Variants in NKX3-2 observed in about 807,000 individuals in gnomAD.
NKX3-2 encodes the protein homeobox protein Nkx-3.2.
NKX3-2 carries 13 observed loss-of-function variants against 19.4 expected under a neutral mutation model. The ratio of observed to expected loss-of-function variants is 0.67; its 90% CI spans 0.44 to 1.07. The LOEUF (loss-of-function observed/expected upper bound fraction) is 1.07. Ranked by LOEUF, NKX3-2 falls within the 50% of genes least tolerant of loss-of-function variation. The probability of loss-of-function intolerance (pLI) is 0.00; values close to 1 mark genes in which losing one functional copy is unlikely to be tolerated. For missense variants in NKX3-2, 562 were observed against 488.2 expected (o/e 1.15, Z -1.42); for synonymous variants, 269 against 230.5 (o/e 1.17, Z -1.51).
In NKX3-2 at chr4:13,541,990, G is replaced by C. The variant is rs1717996157; in HGVS notation, c.*3C>G. On this transcript the variant is annotated 3_prime_UTR_variant, in exon 2 of 2. Coordinates refer to ENST00000382438, the MANE Select transcript of NKX3-2 (RefSeq NM_001189.4). The stretch of plus-strand genomic sequence containing the variant: ...ATCACTCGCTGCCTCAGCCCAAGCG[G>C]GTTCACTGGGTGCCTGCGGCAGCTG... 1 of 1,578,562 alleles carries C rather than the reference G, an allele frequency of 6.3e-7. No homozygotes were observed. The highest frequency in any genetic ancestry group is 1.8e-5 in the Admixed American group (1 of 54,884).
Position 13,542,127 on chromosome 4 carries a change from G to T in NKX3-2, c.868C>A (p.Gln290Lys). ...ACTTCGCCGGGCAGGTATTGTCTCT[G>T]GTCGTCGCGCACCAGCACCTTTACG... Reference protein sequence around the residue: ...VAVKVLVRDDQRQYLPGEVLR... With the variant: ...VAVKVLVRDDKRQYLPGEVLR... The change falls in exon 2 of 2, where the codon CAG becomes AAG. Residue 290 changes from glutamine to lysine, a missense_variant. Gln to Lys is a moderately conservative substitution (Grantham distance 53). Coordinates refer to ENST00000382438, the MANE Select transcript of NKX3-2 (RefSeq NM_001189.4). The surrounding 1 kb of genome is among the most constrained non-coding windows in gnomAD (Gnocchi z 6.4). 1 of 1,611,498 alleles carries T rather than the reference G, an allele frequency of 6.2e-7. No individual in the cohort carries two copies. Among genetic ancestry groups the T allele is most frequent in the Non-Finnish European group, 8.5e-7 (1 of 1,178,446 alleles).
upstream of NKX3-2, among the ~76,000 whole-genome samples, chr4:13,545,498 C>A (rs954711182): frequency 1.3e-5 from 2 of 152,154 alleles, no homozygotes; most frequent in African/African-American, 4.8e-5. Context: ...ATTGCTAATG[C>A]TCTTTGCTGA....
At chr4:13,546,744 G>A, upstream of NKX3-2, 1 of 366,894 alleles carries the variant, frequency 2.7e-6, no homozygotes, top group South Asian at 2.0e-5. Context: ...GCTACGTAAA[G>A]ACTTGCTTGA....
upstream of NKX3-2, chr4:13,547,247 C>A: frequency 2.2e-6 from 1 of 456,318 alleles, no homozygotes; most frequent in Non-Finnish European, 4.4e-6. Flanking sequence ...CGCAGCAGGC[C>A]TGCGCCTGTC....
Position 13,544,218 on chromosome 4 carries a change from G to C in NKX3-2, c.197C>G (p.Ala66Gly). The C allele has an allele frequency of 6.3e-7, 1 of 1,594,724 alleles. No individual in the cohort carries two copies. The highest frequency in any genetic ancestry group is 8.5e-7 in the Non-Finnish European group (1 of 1,177,258). The change falls in exon 1 of 2, where the codon GCC (alanine) becomes GGC (glycine). Residue 66 changes from alanine (A) to glycine (G), a missense_variant. Coordinates refer to ENST00000382438, the MANE Select transcript of NKX3-2 (RefSeq NM_001189.4). ...AGGAGACGCCAGCAGAGAGTCCTCG[G>C]CGCCCCCCAACGCGCCCGCGTCCCT... ...GERDAGALGG[A>G]EDSLLASPAG...
upstream of NKX3-2, chr4:13,545,189 C>G (rs1418730543): frequency 5.3e-5 from 8 of 152,268 alleles, no homozygotes; most frequent in Admixed American, 2.0e-4. Context: ...GGGCACGTTG[C>G]GCCGCTAAAG....
upstream of NKX3-2, among the ~76,000 whole-genome samples, chr4:13,545,851 TC>T (rs1718121920): frequency 6.6e-6 from 1 of 152,230 alleles, no homozygotes; most frequent in East Asian, 1.9e-4. Flanking sequence ...CATAAAGTGA[TC>T]CAGAAGTGAC....
rs1016215559 is a variant in NKX3-2 at position 13,542,591 on chromosome 4, G to T, written c.467-63C>A. 6.3e-7 allele frequency: 1 copy of T among 1,579,046 alleles called. No individual in the cohort carries two copies. The highest frequency in any genetic ancestry group is 1.3e-5 in the African/African-American group (1 of 74,538). ...AGCGCCACAGACGAGGTGAGGCCGG[G>T]CCTCAACTGCAGGGGTCACGGGAGT... On this transcript the variant is annotated intron_variant, in intron 1 of 1. Coordinates refer to ENST00000382438, the MANE Select transcript of NKX3-2 (RefSeq NM_001189.4). This position sits in a 1 kb window ranked among gnomAD's most constrained non-coding sequence, Gnocchi z 6.4.
chr4:13,545,016 C>G (rs1718094381), upstream of NKX3-2: 1 of 152,210 alleles, frequency 6.6e-6, no homozygotes, highest in Non-Finnish European at 1.5e-5. Flanking sequence ...TTTCTCTTTC[C>G]TTCCCTTGCG....
Position 13,542,430 on chromosome 4 carries a change from G to A in NKX3-2, c.565C>T (p.Pro189Ser). The A allele has an allele frequency of 1.3e-6, 2 of 1,548,824 alleles. No individual in the cohort carries two copies. The highest frequency in any genetic ancestry group is 1.7e-6 in the Non-Finnish European group (2 of 1,154,376). The change falls in exon 2 of 2, where the codon CCG becomes TCG. Residue 189 changes from proline to serine, a missense_variant. Coordinates refer to ENST00000382438, the MANE Select transcript of NKX3-2 (RefSeq NM_001189.4). This position sits in a 1 kb window ranked among gnomAD's most constrained non-coding sequence, Gnocchi z 6.4. ...TCCTCCTCCTCCGCGACGCCTGCCG[G>A]CCCGCTGCCGCCCCCGCCGCCGGCC... The part of the protein sequence containing the change: ...SGAGGGGGSG[P>S]AGVAEEEEEP...
chr4:13,542,298 C>G lies in NKX3-2; in HGVS notation c.697G>C (p.Gly233Arg), dbSNP rs776987125. 3.7e-6 allele frequency: 6 copies of G among 1,606,744 alleles called. No individual in the cohort carries two copies. Among genetic ancestry groups the G allele is most frequent in the South Asian group, 2.2e-5 (2 of 90,194 alleles). The change falls in exon 2 of 2, where the codon GGG becomes CGG. Residue 233 changes from glycine to arginine, a missense_variant. Coordinates refer to ENST00000382438, the MANE Select transcript of NKX3-2 (RefSeq NM_001189.4). The surrounding 1 kb of genome is among the most constrained non-coding windows in gnomAD (Gnocchi z 6.4). Reference protein sequence around the residue: ...RRFNHQRYLSGPERADLAASL... With the variant: ...RRFNHQRYLSRPERADLAASL... Reference sequence around the variant, plus strand: ...GCGGCCAGGTCTGCGCGCTCGGGCCCGGACAGGTAGCGCTGGTGGTTAAAG... The same window carrying G: ...GCGGCCAGGTCTGCGCGCTCGGGCCGGGACAGGTAGCGCTGGTGGTTAAAG...
upstream of NKX3-2, chr4:13,547,187 C>G: frequency 2.2e-6 from 1 of 456,350 alleles, no homozygotes; most frequent in South Asian, 1.5e-5. Flanking sequence ...CCAGAGATAT[C>G]CCGGCGTAAC....
upstream of NKX3-2, among the ~76,000 whole-genome samples, chr4:13,545,480 GCTT>G (rs1718113407): frequency 1.3e-5 from 2 of 152,114 alleles, no homozygotes; most frequent in East Asian, 3.9e-4. Flanking sequence ...CAGTTTCGCC[GCTT>G]CTTCATTGCT....
In NKX3-2 at chr4:13,543,147, T is replaced by A. The variant is rs1291063099; in HGVS notation, c.467-619A>T. ...GTAAAGAGGGAGGGTTGCCCCTGCA[T>A]CGAGTTTTTGGACCCTGATCCCACA... On this transcript the variant is annotated intron_variant, in intron 1 of 1. Coordinates refer to ENST00000382438, the MANE Select transcript of NKX3-2 (RefSeq NM_001189.4). The surrounding 1 kb of genome is among the most constrained non-coding windows in gnomAD (Gnocchi z 7.1). Among the ~76,000 whole-genome samples the A allele has an allele frequency of 6.6e-6, 1 of 151,762 alleles. No individual in the cohort carries two copies. The highest frequency in any genetic ancestry group is 1.5e-5 in the Non-Finnish European group (1 of 67,950).
chr4:13,547,063 G>A (rs78949307), upstream of NKX3-2: 28,288 of 456,302 alleles, frequency 0.062, 1,205 homozygotes, highest in Non-Finnish European at 0.093. Flanking sequence ...CCGGGAGTTG[G>A]GTGCTTGGCG....
rs771741782 is a variant in NKX3-2 at position 13,542,161 on chromosome 4, C to G, written c.834G>C (p.Lys278Asn). 1 of 1,611,618 alleles carries G rather than the reference C, an allele frequency of 6.2e-7. No individual in the cohort carries two copies. The highest frequency in any genetic ancestry group is 8.5e-7 in the Non-Finnish European group (1 of 1,179,102). ...ADLLASAPAA[K>N]KVAVKVLVRD... ...GCACCAGCACCTTTACGGCCACCTT[C>G]TTGGCGGCGGGCGCCGAGGCCAGCA... The change falls in exon 2 of 2, where the codon AAG (lysine) becomes AAC (asparagine). Residue 278 changes from lysine to asparagine, a missense_variant. Transcript: ENST00000382438. This position sits in a 1 kb window ranked among gnomAD's most constrained non-coding sequence, Gnocchi z 6.4.
At position 13,543,592 on chromosome 4, in the gene NKX3-2, T is replaced by C. The variant is rs531245055; in HGVS notation, c.466+357A>G. 1.3e-5 allele frequency among the ~76,000 whole-genome samples: 2 copies of C among 152,152 alleles called. No individual in the cohort carries two copies. The highest frequency in any genetic ancestry group is 2.9e-5 in the Non-Finnish European group (2 of 68,026). ...CTGAGGTCTCTGAACCCCTCACTTT[T>C]CCGCTTCCCTGATTTTGGGGATTTG... On this transcript the variant is annotated intron_variant, in intron 1 of 1. Coordinates refer to ENST00000382438, the MANE Select transcript of NKX3-2 (RefSeq NM_001189.4). The surrounding 1 kb of genome is among the most constrained non-coding windows in gnomAD (Gnocchi z 7.1).
rs1718059093 is a variant in NKX3-2 at position 13,544,084 on chromosome 4, G to A, written c.331C>T (p.Arg111Trp). The A allele has an allele frequency of 6.3e-7, 1 of 1,583,386 alleles. No individual in the cohort carries two copies. The highest frequency in any genetic ancestry group is 1.8e-5 in the Admixed American group (1 of 56,088). ...NESRRRCADA[R>W]GASGAGLAGG... is the part of the protein sequence containing the mutation. ...GCAAGGCCGGCCCCGCTGGCCCCCC[G>A]CGCGTCCGCGCAGCGCCGCCTGCTC... Residue 111 changes from arginine to tryptophan, a missense_variant, in exon 1 of 2, where the codon CGG becomes TGG. Coordinates refer to ENST00000382438, the MANE Select transcript of NKX3-2 (RefSeq NM_001189.4).
upstream of NKX3-2, chr4:13,546,843 C>G (rs1271393733): frequency 4.5e-6 from 2 of 442,758 alleles, no homozygotes; most frequent in Non-Finnish European, 9.2e-6. Flanking sequence ...GGACATACTC[C>G]TGCCACAGCC....
Sources: allele counts gnomAD v4.1 joint callset (sites outside exome capture counted in the v4.1 genomes callset), GRCh38; gene constraint gnomAD v4.1.1; non-coding constraint Gnocchi (gnomAD v3.1); transcripts MANE v1.5; gene names NCBI Gene and HGNC (gene_info 2026-07-23, HGNC 2026-07-21).